Variants in EMX1 observed in about 807,000 individuals in gnomAD.
EMX1 encodes the protein empty spiracles homeobox 1, also known as homeobox protein EMX1.
In EMX1, 10 loss-of-function variants were observed where a neutral mutation model predicts 20.1. The ratio of observed to expected loss-of-function variants is 0.50; its 90% confidence interval spans 0.31 to 0.84. The LOEUF (loss-of-function observed/expected upper bound fraction) is 0.84. Among genes scored for constraint, EMX1 ranks in the 40% least tolerant of loss-of-function variants. The pLI is 0.05. For missense variants in EMX1, 424 were observed against 431.9 expected (o/e 0.98, Z 0.16); for synonymous variants, 250 against 200.4 (o/e 1.25, Z -2.09).
chr2:72,932,163 C>T (rs1216852634), intron 2 of EMX1, among the ~76,000 whole-genome samples: 1 of 152,248 alleles, frequency 6.6e-6, no homozygotes, highest in Admixed American at 6.5e-5. Flanking sequence ...GCTGCCAAAA[C>T]CAAGAGGCTA....
At chr2:72,920,624 A>C (rs78595842) in intron 1 of EMX1, among the ~76,000 whole-genome samples, 2,627 of 152,266 alleles carry the variant, frequency 0.017, 74 homozygotes, top group African/African-American at 0.057. Context: ...TAATGCAACA[A>C]ACGAAACCCC....
upstream of EMX1, chr2:72,917,380 C>T (rs1404428568): frequency 1.4e-5 from 4 of 279,472 alleles, no homozygotes; most frequent in Non-Finnish European, 2.0e-5. Flanking sequence ...TGGATCTCCC[C>T]GCGAAGGCTC....
At chr2:72,928,082 G>T (rs1320033691) in intron 2 of EMX1, among the ~76,000 whole-genome samples, 2 of 152,198 alleles carry the variant, frequency 1.3e-5, no homozygotes, top group African/African-American at 4.8e-5. Flanking sequence ...CTAGGAGGTG[G>T]GCAACCTGGG....
Position 72,917,817 on chromosome 2 carries a change from G to T in EMX1, c.-36G>T. Reference sequence around the variant, plus strand: ...GCCCGCGGGGGCCGAGCGCGAGCGGGCGGGCGGGGGAGGTGAGGGGTGCGG... The same window carrying T: ...GCCCGCGGGGGCCGAGCGCGAGCGGTCGGGCGGGGGAGGTGAGGGGTGCGG... On this transcript the variant is annotated 5_prime_UTR_variant, in exon 1 of 3. Transcript: ENST00000258106. 1.6e-6 allele frequency: 2 copies of T among 1,283,114 alleles called. No homozygotes were observed. Among genetic ancestry groups the T allele is most frequent in the Non-Finnish European group, 2.0e-6 (2 of 1,018,968 alleles). 79.5% of individuals were successfully genotyped at this position (1,283,114 alleles called of 1,614,324 possible). A position where few individuals can be genotyped will look rare whatever the true frequency, so the allele number is the denominator to read the frequency against.
chr2:72,931,967 G>A (rs1671294809), intron 2 of EMX1, among the ~76,000 whole-genome samples: 1 of 152,182 alleles, frequency 6.6e-6, no homozygotes, highest in Non-Finnish European at 1.5e-5. Flanking sequence ...AAGGGTGTAG[G>A]GGCAGCACCT....
In EMX1 at chr2:72,918,108, C is replaced by A; in HGVS notation, c.256C>A (p.Pro86Thr). ...EPLRPTALNY[P>T]HPSAAEAAFV... ...GCTCCGGCCCACGGCGCTCAACTACCCTCACCCCAGCGCGGCCGAGGCGGC... is the reference window on the plus strand; with the variant it reads ...GCTCCGGCCCACGGCGCTCAACTACACTCACCCCAGCGCGGCCGAGGCGGC... The change falls in exon 1 of 3, where the codon CCT (proline) becomes ACT (threonine). Residue 86 changes from proline (P) to threonine (T), a missense_variant. Transcript: ENST00000258106. The A allele has an allele frequency of 1.4e-6, 2 of 1,476,208 alleles. No homozygotes were observed. The highest frequency in any genetic ancestry group is 1.8e-6 in the Non-Finnish European group (2 of 1,124,176). The allele number at this position is 1,476,208 out of a possible 1,614,324, so 91.4% of individuals were successfully genotyped here. A position where few individuals can be genotyped will look rare whatever the true frequency, so the allele number is the denominator to read the frequency against.
chr2:72,930,752 A>G lies in EMX1; in HGVS notation c.706-3035A>G, dbSNP rs1206998675. On this transcript the variant is annotated intron_variant, in intron 2 of 2. Coordinates refer to ENST00000258106, the MANE Select transcript of EMX1 (RefSeq NM_004097.3). This position sits in a 1 kb window ranked among gnomAD's most constrained non-coding sequence, Gnocchi z 4.4. Reference sequence around the variant, plus strand: ...CCTGGCTGGGTTGGAGAGGTCATGAAATGTCACTCTCATCTCCTAATACAC... The same window carrying G: ...CCTGGCTGGGTTGGAGAGGTCATGAGATGTCACTCTCATCTCCTAATACAC... 6.6e-6 allele frequency among the ~76,000 whole-genome samples: 1 copy of G among 152,152 alleles called. No homozygotes were observed. Among genetic ancestry groups the G allele is most frequent in the Non-Finnish European group, 1.5e-5 (1 of 68,028 alleles).
At chr2:72,917,302 A>AG (rs11397607), upstream of EMX1, among the ~76,000 whole-genome samples, 152,326 of 152,326 alleles carry the variant, frequency 1, 76,163 homozygotes, top group Non-Finnish European at 1. Flanking sequence ...AGACGGCGGC[A>AG]CGGCCACCAG....
In EMX1 at chr2:72,917,815, G is replaced by C. The variant is rs1312021705; in HGVS notation, c.-38G>C. 1 of 1,276,728 alleles carries C rather than the reference G, an allele frequency of 7.8e-7. No homozygotes were observed. Among genetic ancestry groups the C allele is most frequent in the Admixed American group, 4.3e-5 (1 of 23,414 alleles). The allele number at this position is 1,276,728 out of a possible 1,614,324, so 79.1% of individuals were successfully genotyped here. A position where few individuals can be genotyped will look rare whatever the true frequency, so the allele number is the denominator to read the frequency against. On this transcript the variant is annotated 5_prime_UTR_variant, in exon 1 of 3. Coordinates refer to ENST00000258106, the MANE Select transcript of EMX1 (RefSeq NM_004097.3). ...TCGCCCGCGGGGGCCGAGCGCGAGC[G>C]GGCGGGCGGGGGAGGTGAGGGGTGC...
At chr2:72,919,433 C>G (rs1396638839) in intron 1 of EMX1, among the ~76,000 whole-genome samples, 4 of 152,028 alleles carry the variant, frequency 2.6e-5, no homozygotes, top group Non-Finnish European at 5.9e-5. Context: ...GTCTATGGCT[C>G]AGAGCTAGGT....
At chr2:72,916,596 C>T (rs1670966047), upstream of EMX1, 1 of 656,142 alleles carries the variant, frequency 1.5e-6, no homozygotes, top group East Asian at 2.7e-5. Flanking sequence ...CAGAGTCGTC[C>T]GCGGTTCCGC....
chr2:72,924,688 C>T (rs1328683201), intron 2 of EMX1, among the ~76,000 whole-genome samples, 195 bp downstream of exon 2: 2 of 152,200 alleles, frequency 1.3e-5, no homozygotes, highest in Non-Finnish European at 2.9e-5. Context: ...CTGCTGAGCC[C>T]GCAGGACTTT....
intron 2 of EMX1, among the ~76,000 whole-genome samples, chr2:72,927,498 T>C (rs1671224175): frequency 6.6e-6 from 1 of 152,234 alleles, no homozygotes; most frequent in South Asian, 2.1e-4. Context: ...AACCCCTGCC[T>C]ATCATGATAT....
rs953700904 is a variant in EMX1, at chr2:72,934,067, G to A, written c.*113G>A. 8.4e-6 allele frequency: 12 copies of A among 1,425,010 alleles called. No individual in the cohort carries two copies. In the African/African-American group the frequency reaches 1.1e-4, roughly 14 times the overall value. 88.3% of individuals were successfully genotyped at this position (1,425,010 alleles called of 1,614,324 possible). ...CCTGGCCAGGCTTTGGGGAGGCCTG[G>A]AGTCATGGCCCCACAGGGCTTGAAG... is the stretch of plus-strand genomic sequence containing the variant. On this transcript the variant is annotated 3_prime_UTR_variant, in exon 3 of 3. Coordinates refer to ENST00000258106, the MANE Select transcript of EMX1 (RefSeq NM_004097.3).
chr2:72,917,283 C>G (rs1204142230), upstream of EMX1, among the ~76,000 whole-genome samples: 1 of 81,728 alleles, frequency 1.2e-5, no homozygotes, highest in Admixed American at 1.4e-4. Flanking sequence ...TCGGCTCCCG[C>G]GTGGGTTGAG....
Position 72,924,389 on chromosome 2 carries a change from C to A in EMX1, c.601C>A (p.Pro201Thr). 6.3e-7 allele frequency: 1 copy of A among 1,595,338 alleles called. No homozygotes were observed. The change falls in exon 2 of 3, where the codon CCC becomes ACC. Residue 201 changes from proline (P) to threonine (T), a missense_variant. Pro to Thr is a conservative substitution (Grantham distance 38). Coordinates refer to ENST00000258106, the MANE Select transcript of EMX1 (RefSeq NM_004097.3). The stretch of plus-strand genomic sequence containing the variant: ...CAAGCGGATCCGCACGGCCTTCTCG[C>A]CCTCGCAGCTGCTGCGGCTGGAGCG... ...KPKRIRTAFS[P>T]SQLLRLERAF...
chr2:72,924,115 C>G (rs918384925), intron 1 of EMX1, 194 bp from the exon 2 acceptor site: 1 of 669,684 alleles, frequency 1.5e-6, no homozygotes, highest in Non-Finnish European at 2.6e-6. Flanking sequence ...GGAGGTGTTG[C>G]GGAGGGGAGT....
At chr2:72,919,361 C>A (rs2105261650) in intron 1 of EMX1, among the ~76,000 whole-genome samples, 1 of 151,922 alleles carries the variant, frequency 6.6e-6, no homozygotes, top group East Asian at 1.9e-4. Flanking sequence ...TTTGTACAGG[C>A]ATCACTTTAG....
chr2:72,921,533 G>C (rs1671104584), intron 1 of EMX1, among the ~76,000 whole-genome samples: 1 of 152,182 alleles, frequency 6.6e-6, no homozygotes, highest in African/African-American at 2.4e-5. Context: ...TGTCTTTGCA[G>C]AAACATGTAG....
Sources: gnomAD v4.1 joint callset for allele counts (sites outside exome capture counted in the v4.1 genomes callset) on GRCh38, gnomAD v4.1.1 for gene constraint, Gnocchi (gnomAD v3.1) non-coding constraint, MANE v1.5 for transcripts, NCBI Gene and HGNC (gene_info 2026-07-23, HGNC 2026-07-21) for gene names.